The following GAGE1 variants were observed in gnomAD, a reference collection of about 807,000 sequenced individuals.
The protein encoded by GAGE1 is G antigen 1, also known as G antigen 4.
Under a neutral mutation model 5.0 loss-of-function variants are expected in GAGE1, and 5 were observed. That is an observed-to-expected ratio of 1.00 (90% CI 0.52 to 2.11). GAGE1 has a LOEUF of 2.11. Among genes scored for constraint, GAGE1 ranks in the 30% most tolerant of loss-of-function variants. The pLI is 0.01. For synonymous variants in GAGE1, 6 were observed against 14.8 expected (o/e 0.40, Z 1.37); for missense variants, 9 against 38.9 (o/e 0.23, Z 2.04).
intron 3 of GAGE1, among the ~76,000 whole-genome samples, chrX:49,602,514 G>T (rs61205491): frequency 1.3e-5 from 1 of 78,493 alleles, no homozygotes; most frequent in Non-Finnish European, 3.2e-5. Flanking sequence ...TCGCTTCATA[G>T]GTTTCACATC....
At position 49,603,688 on chromosome X, in the gene GAGE1, A is replaced by T. The variant is rs1385199665; in HGVS notation, c.226A>T (p.Ser76Cys). ...AGQGPKPEAD[S>C]QEQGHPQTGC... Reference sequence around the variant, plus strand: ...TTAAGGGCCGAAGCCTGAAGCTGATAGCCAGGAACAGGGTCACCCACAGAC... The same window carrying T: ...TTAAGGGCCGAAGCCTGAAGCTGATTGCCAGGAACAGGGTCACCCACAGAC... The change falls in exon 4 of 5, where the codon AGC (serine) becomes TGC (cysteine). Residue 76 changes from serine to cysteine, a missense_variant. Transcript: ENST00000381700. 8.3e-7 allele frequency: 1 copy of T among 1,211,156 alleles called. No individual in the cohort carries two copies. The highest frequency in any genetic ancestry group is 1.7e-5 in the African/African-American group (1 of 57,192).
At chrX:49,605,733 A>T (rs1488797529) in intron 4 of GAGE1, among the ~76,000 whole-genome samples, 1 of 110,014 alleles carries the variant, frequency 9.1e-6, no homozygotes, top group Non-Finnish European at 1.9e-5. Flanking sequence ...ACACGGTGAA[A>T]CCCCGTGTCT....
At position 49,604,917 on chromosome X, in the gene GAGE1, C is replaced by A. The variant is rs781956273; in HGVS notation, c.332-1076C>A. The A allele has an allele frequency of 2.8e-5, 10 of 359,749 alleles. No individual in the cohort carries two copies. In the East Asian group the frequency reaches 4.8e-4, roughly 17 times the overall value. 29.6% of individuals were successfully genotyped at this position (359,749 alleles called of 1,213,427 possible). ...CTGGCTCCCAGGCTAAAGCAGTCCT[C>A]CCACCTCAGCCTCCTGAGTGGCTGG... On this transcript the variant is annotated intron_variant, in intron 4 of 4. Transcript: ENST00000381700.
chrX:49,605,144 A>C (rs1557131954), intron 4 of GAGE1: 1 of 1,003,595 alleles, frequency 1.0e-6, no homozygotes, highest in Non-Finnish European at 1.3e-6. Flanking sequence ...GTGGCATGTA[A>C]GTCAGTGATG....
At position 49,606,956 on chromosome X, in the gene GAGE1, C is replaced by T. The variant is rs1190890487; in HGVS notation, c.*941C>T. ...AGTAATCTGTTTATGTAGTCAATTACGTTGATAAATCTGTACTTTTTAAAT... is the reference window on the plus strand; with the variant it reads ...AGTAATCTGTTTATGTAGTCAATTATGTTGATAAATCTGTACTTTTTAAAT... On this transcript the variant is annotated 3_prime_UTR_variant, in exon 5 of 5. Transcript: ENST00000381700. 2.7e-5 allele frequency: 3 copies of T among 111,719 alleles called. No homozygotes were observed. Among genetic ancestry groups the T allele is most frequent in the East Asian group, 2.8e-4 (1 of 3,579 alleles). The allele number at this position is 111,719 out of a possible 1,213,427, so 9.2% of individuals were successfully genotyped here.
At chrX:49,602,743 A>G (rs1161861166) in intron 3 of GAGE1, among the ~76,000 whole-genome samples, 1 of 86,437 alleles carries the variant, frequency 1.2e-5, no homozygotes, top group African/African-American at 3.4e-5. Context: ...CAGGAAATTT[A>G]ACAATGAGAA....
In GAGE1 at chrX:49,606,294, T is replaced by C; in HGVS notation, c.*279T>C. 5.5e-6 allele frequency: 1 copy of C among 180,884 alleles called. No individual in the cohort carries two copies. Among genetic ancestry groups the C allele is most frequent in the East Asian group, 1.0e-4 (1 of 9,549 alleles). The allele number at this position is 180,884 out of a possible 1,213,427, so 14.9% of individuals were successfully genotyped here. A position where few individuals can be genotyped will look rare whatever the true frequency, so the allele number is the denominator to read the frequency against. ...TTTTAAAAGTTTACTTCTAGGTTTT[T>C]TCAGTTTTCAACCTACAGAATCATA... On this transcript the variant is annotated 3_prime_UTR_variant, in exon 5 of 5. Coordinates refer to ENST00000381700, the MANE Select transcript of GAGE1 (RefSeq NM_001040663.4).
chrX:49,604,441 C>T (rs1400525511), intron 4 of GAGE1, among the ~76,000 whole-genome samples: 10 of 112,394 alleles, frequency 8.9e-5, no homozygotes, highest in Non-Finnish European at 1.3e-4. Flanking sequence ...AGCACTCATG[C>T]GGGTTCTAAT....
rs2066668719 is a variant in GAGE1 at position 49,608,068 on chromosome X, G to A, written c.*2053G>A. ...TGTTAAATGTACACGAACTGATGGT[G>A]TATATGATGATTTTAGTTGTAATCT... is the stretch of plus-strand genomic sequence containing the variant. On this transcript the variant is annotated 3_prime_UTR_variant, in exon 5 of 5. Transcript: ENST00000381700. 8.9e-6 allele frequency: 1 copy of A among 111,919 alleles called. No homozygotes were observed. Among genetic ancestry groups the A allele is most frequent in the South Asian group, 3.7e-4 (1 of 2,699 alleles). 9.2% of individuals were successfully genotyped at this position (111,919 alleles called of 1,213,427 possible).
intron 3 of GAGE1, among the ~76,000 whole-genome samples, chrX:49,602,179 A>G (rs2066613513): frequency 1.8e-5 from 2 of 113,230 alleles, no homozygotes; most frequent in East Asian, 2.7e-4. Context: ...AAATACATAA[A>G]TAAATTCATT....
rs781976661 is a variant in GAGE1 at position 49,606,059 on chromosome X, A to G, written c.*44A>G. 1 of 949,853 alleles carries G rather than the reference A, an allele frequency of 1.1e-6. No individual in the cohort carries two copies. The highest frequency in any genetic ancestry group is 1.4e-6 in the Non-Finnish European group (1 of 718,148). 78.3% of individuals were successfully genotyped at this position (949,853 alleles called of 1,213,427 possible). A position where few individuals can be genotyped will look rare whatever the true frequency, so the allele number is the denominator to read the frequency against. On this transcript the variant is annotated 3_prime_UTR_variant, in exon 5 of 5. Transcript: ENST00000381700. The stretch of plus-strand genomic sequence containing the variant: ...GTTGCAGGCTGCTCCTATGTTGGAA[A>G]ATTCTTCATTGAAGTTCTCCCAATA...
At chrX:49,605,949 A>G (rs2066656409) in intron 4 of GAGE1, 44 bp from the exon 5 acceptor site, 2 of 820,314 alleles carry the variant, frequency 2.4e-6, no homozygotes, top group East Asian at 3.9e-5. Flanking sequence ...AATAATAATA[A>G]TCTGTTGCTC....
rs1557131370 is a variant in GAGE1, at chrX:49,603,652, A to AT, written c.206-10dup. ...TGTTTTACTGCTTAAATTGATACGT[A>AT]TTTTTTATTTTTAAGGGCCGAAGCC... On this transcript the variant is annotated splice_polypyrimidine_tract_variant and intron_variant, in intron 3 of 4. Coordinates refer to ENST00000381700, the MANE Select transcript of GAGE1 (RefSeq NM_001040663.4). 1 of 1,211,018 alleles carries AT rather than the reference A, an allele frequency of 8.3e-7. No homozygotes were observed. The highest frequency in any genetic ancestry group is 1.1e-6 in the Non-Finnish European group (1 of 895,401).
chrX:49,604,151 C>G (rs1362614309), intron 4 of GAGE1, among the ~76,000 whole-genome samples: 1 of 112,670 alleles, frequency 8.9e-6, no homozygotes, highest in Non-Finnish European at 1.9e-5. Flanking sequence ...CTGTGCCAGA[C>G]CCAGCATTAT....
At position 49,602,616 on chromosome X, in the gene GAGE1, T is replaced by G. The variant is rs1199659049; in HGVS notation, c.206-1052T>G. 8.1e-5 allele frequency among the ~76,000 whole-genome samples: 7 copies of G among 86,573 alleles called. 1 individual carries two copies. The highest frequency in any genetic ancestry group is 2.7e-5 in the Non-Finnish European group (1 of 37,572). The allele number at this position is 86,573 out of a possible 115,157, so 75.2% of individuals were successfully genotyped here. On this transcript the variant is annotated intron_variant, in intron 3 of 4. Transcript: ENST00000381700. ...TATGTTTACTGTTATTAATGCTGAA[T>G]TGTTTCGATAAAGTTTCAGGTATTA...
Position 49,606,073 on chromosome X carries a change from G to A in GAGE1, c.*58G>A. 3.6e-6 allele frequency: 3 copies of A among 837,326 alleles called. No individual in the cohort carries two copies. The highest frequency in any genetic ancestry group is 1.6e-6 in the Non-Finnish European group (1 of 615,759). 69.0% of individuals were successfully genotyped at this position (837,326 alleles called of 1,213,427 possible). On this transcript the variant is annotated 3_prime_UTR_variant, in exon 5 of 5. Transcript: ENST00000381700. ...CTATGTTGGAAAATTCTTCATTGAA[G>A]TTCTCCCAATAAAGCTTTACAGCCT...
chrX:49,602,378 T>A (rs782413511), intron 3 of GAGE1, among the ~76,000 whole-genome samples: 4 of 78,075 alleles, frequency 5.1e-5, no homozygotes, highest in African/African-American at 1.4e-4. Flanking sequence ...TTCAGTGCAG[T>A]TATCATATAT....
chrX:49,606,135 A>G lies in GAGE1; in HGVS notation c.*120A>G, dbSNP rs1189921922. On this transcript the variant is annotated 3_prime_UTR_variant, in exon 5 of 5. Transcript: ENST00000381700. ...GTCTTGTGAATCTTTTGTCAATTTT[A>G]TTTCTAGCTATTTGATGCTGTGAAA... 8 of 387,782 alleles carry G rather than the reference A, an allele frequency of 2.1e-5. No homozygotes were observed. Among genetic ancestry groups the G allele is most frequent in the Non-Finnish European group, 3.3e-5 (8 of 239,519 alleles). The allele number at this position is 387,782 out of a possible 1,213,427, so 32.0% of individuals were successfully genotyped here.
intron 4 of GAGE1, among the ~76,000 whole-genome samples, chrX:49,604,411 C>CT (rs1175736819): frequency 3.6e-5 from 4 of 112,378 alleles, no homozygotes; most frequent in Non-Finnish European, 7.5e-5. Flanking sequence ...ACACCCATCA[C>CT]TTGGTGTGAA....
Sources: gnomAD v4.1 joint callset for allele counts (sites outside exome capture counted in the v4.1 genomes callset) on GRCh38, gnomAD v4.1.1 for gene constraint, MANE v1.5 for transcripts, NCBI Gene and HGNC (gene_info 2026-07-23, HGNC 2026-07-21) for gene names.